The following EHBP1 variants were observed in gnomAD, a reference collection of about 807,000 sequenced individuals.
EHBP1 encodes the protein EH domain binding protein 1, also known as EH domain-binding protein 1.
A neutral mutation model predicts 144.0 loss-of-function variants in EHBP1; 55 were observed. That is an observed-to-expected ratio of 0.38 (90% confidence interval 0.31 to 0.48). EHBP1 has a LOEUF of 0.48. EHBP1 is among the 20% of genes least tolerant of loss of function. EHBP1 has a pLI of 0.98. For synonymous variants in EHBP1, 469 were observed against 472.7 expected, an observed-to-expected ratio of 0.99 and a Z score of 0.10; for missense variants, 1,200 against 1,364.2, an observed-to-expected ratio of 0.88 and a Z score of 1.90.
intron 19 of EHBP1, among the ~76,000 whole-genome samples, chr2:63,030,549 G>GC (rs2061195592): frequency 6.6e-6 from 1 of 151,658 alleles, no homozygotes; most frequent in African/African-American, 2.4e-5. Flanking sequence ...GTGCAGTGGT[G>GC]CAATCTCGGC....
At chr2:62,697,528 C>T (rs775496104) in intron 1 of EHBP1, among the ~76,000 whole-genome samples, 7 of 152,102 alleles carry the variant, frequency 4.6e-5, no homozygotes, top group Non-Finnish European at 8.8e-5. Flanking sequence ...AAACAAAGCA[C>T]GGTCACCTCT....
chr2:62,839,674 C>T (rs2047626074), intron 7 of EHBP1, among the ~76,000 whole-genome samples: 1 of 151,754 alleles, frequency 6.6e-6, no homozygotes. Flanking sequence ...GTACAAAAAT[C>T]ACAAGCATTC....
chr2:62,996,152 G>A (rs771156676), intron 18 of EHBP1, among the ~76,000 whole-genome samples: 1 of 151,954 alleles, frequency 6.6e-6, no homozygotes, highest in African/African-American at 2.4e-5. Flanking sequence ...GAAAAAAAAT[G>A]TATCTCTTTA....
At chr2:62,786,470 G>C (rs558252134) in intron 5 of EHBP1, among the ~76,000 whole-genome samples, 2 of 152,234 alleles carry the variant, frequency 1.3e-5, no homozygotes, top group East Asian at 3.9e-4. Flanking sequence ...CAAAGGGGAG[G>C]GGAATTAGAC....
chr2:62,750,924 C>T (rs964255090), intron 3 of EHBP1, among the ~76,000 whole-genome samples: 2 of 152,190 alleles, frequency 1.3e-5, no homozygotes, highest in African/African-American at 2.4e-5. Flanking sequence ...ATCATGTCAT[C>T]TGCAAACAGG....
intron 8 of EHBP1, among the ~76,000 whole-genome samples, chr2:62,861,720 C>T (rs908940061): frequency 2.0e-5 from 3 of 150,416 alleles, no homozygotes; most frequent in Admixed American, 6.6e-5. Context: ...CCAGCCTGGG[C>T]GACAGAGTGA....
At chr2:62,837,873 T>G (rs903260277) in intron 7 of EHBP1, among the ~76,000 whole-genome samples, 4 of 149,104 alleles carry the variant, frequency 2.7e-5, no homozygotes, top group African/African-American at 9.8e-5. Flanking sequence ...AGACTTAGAC[T>G]CCCACACATT....
At chr2:62,764,976 C>T (rs1260027196) in intron 4 of EHBP1, among the ~76,000 whole-genome samples, 1 of 151,900 alleles carries the variant, frequency 6.6e-6, no homozygotes. Context: ...TTGAAAATAG[C>T]TGTTTCCAGT....
chr2:62,719,126 C>T lies in EHBP1; in HGVS notation c.104+11831C>T, dbSNP rs184033349. 4.6e-5 allele frequency among the ~76,000 whole-genome samples: 7 copies of T among 151,792 alleles called. No homozygotes were observed. In the East Asian group the frequency reaches 5.8e-4, roughly 13 times the overall value. On this transcript the variant is annotated intron_variant, in intron 2 of 22. Coordinates refer to ENST00000431489, the MANE Select transcript of EHBP1 (RefSeq NM_001142616.3). ...TACTACAGATGTGTGTCACCACGCC[C>T]GGCTAATTTTTTGTATTTTTTGTAG...
chr2:62,927,328 A>G (rs1326615384), intron 10 of EHBP1, among the ~76,000 whole-genome samples: 1 of 152,172 alleles, frequency 6.6e-6, no homozygotes, highest in Non-Finnish European at 1.5e-5. Context: ...TAATATAGCT[A>G]CTTAAAGCTA....
intron 5 of EHBP1, among the ~76,000 whole-genome samples, chr2:62,800,564 T>G (rs1471836808): frequency 1.3e-5 from 2 of 152,132 alleles, no homozygotes; most frequent in Non-Finnish European, 2.9e-5. Flanking sequence ...TGGGAAGAAA[T>G]GTGGATGTAG....
At chr2:62,942,506 T>C (rs1483694291) in intron 10 of EHBP1, among the ~76,000 whole-genome samples, 1 of 152,256 alleles carries the variant, frequency 6.6e-6, no homozygotes, top group Non-Finnish European at 1.5e-5. Flanking sequence ...CTTGCATATC[T>C]GCATCCTTGT....
chr2:63,023,838 T>C lies in EHBP1; in HGVS notation c.3104-13697T>C, dbSNP rs1410060738. ...ATACAAGTCAAGGAAGACATTTAGA[T>C]TGATATAATTGTTTATTTTAAAAAT... On this transcript the variant is annotated intron_variant, in intron 19 of 22. Coordinates refer to ENST00000431489, the MANE Select transcript of EHBP1 (RefSeq NM_001142616.3). 2.6e-5 allele frequency among the ~76,000 whole-genome samples: 4 copies of C among 152,224 alleles called. No individual in the cohort carries two copies. In the East Asian group the frequency reaches 7.7e-4, roughly 29 times the overall value.
intron 21 of EHBP1, among the ~76,000 whole-genome samples, chr2:63,040,647 A>G (rs1354993757): frequency 6.6e-6 from 1 of 152,222 alleles, no homozygotes; most frequent in African/African-American, 2.4e-5. Context: ...GTCTGTATAT[A>G]TATGACTGTG....
chr2:63,031,595 G>C (rs1158879288), intron 19 of EHBP1, among the ~76,000 whole-genome samples: 2 of 152,038 alleles, frequency 1.3e-5, no homozygotes, highest in African/African-American at 4.8e-5. Flanking sequence ...GCAATAAAAA[G>C]TTATGGATGC....
chr2:62,885,350 A>G (rs2051834715), intron 10 of EHBP1, among the ~76,000 whole-genome samples: 1 of 152,204 alleles, frequency 6.6e-6, no homozygotes, highest in African/African-American at 2.4e-5. Context: ...TCTACACTTC[A>G]GACCATTGAT....
chr2:63,036,392 T>G (rs906973251), intron 19 of EHBP1, among the ~76,000 whole-genome samples: 1 of 152,014 alleles, frequency 6.6e-6, no homozygotes, highest in Non-Finnish European at 1.5e-5. Context: ...TATGTTAAAC[T>G]ATAATCATAC....
chr2:62,850,304 T>C (rs1171453169), intron 7 of EHBP1, among the ~76,000 whole-genome samples: 1 of 152,188 alleles, frequency 6.6e-6, no homozygotes, highest in Non-Finnish European at 1.5e-5. Flanking sequence ...ACAGGAAGTT[T>C]TTTTTTCTTT....
intron 5 of EHBP1, among the ~76,000 whole-genome samples, chr2:62,821,523 A>G (rs1244443472): frequency 6.6e-6 from 1 of 151,886 alleles, no homozygotes; most frequent in Non-Finnish European, 1.5e-5. Context: ...ATCCCATTCA[A>G]CAAAAAATAA....
Sources: gnomAD v4.1 joint callset for allele counts (sites outside exome capture counted in the v4.1 genomes callset) on GRCh38, gnomAD v4.1.1 for gene constraint, MANE v1.5 for transcripts, NCBI Gene and HGNC (gene_info 2026-07-23, HGNC 2026-07-21) for gene names.